Variants in CHST6 observed in about 807,000 individuals in gnomAD.
CHST6 encodes the protein carbohydrate sulfotransferase 6.
For missense variants in CHST6, 698 were observed against 586.2 expected, an observed-to-expected ratio of 1.19 and a Z score of -1.97; for synonymous variants, 309 against 276.4, an observed-to-expected ratio of 1.12 and a Z score of -1.17.
chr16:75,477,908 C>T lies in CHST6; in HGVS notation c.*733G>A. On this transcript the variant is annotated 3_prime_UTR_variant, in exon 3 of 3. Coordinates refer to ENST00000332272, the MANE Select transcript of CHST6 (RefSeq NM_021615.5). The stretch of plus-strand genomic sequence containing the variant: ...GTGCCTGGCTTGCTGCCCAGCCCTC[C>T]CCAGCCTTCTCTCCTCCTACCTTTC... 6.5e-6 allele frequency: 1 copy of T among 153,796 alleles called. No individual in the cohort carries two copies. 9.5% of individuals were successfully genotyped at this position (153,796 alleles called of 1,614,324 possible). A position where few individuals can be genotyped will look rare whatever the true frequency, so the allele number is the denominator to read the frequency against.
chr16:75,487,531 T>C (rs530524670), intron 1 of CHST6, among the ~76,000 whole-genome samples: 212 of 152,156 alleles, frequency 1.4e-3, no homozygotes, highest in African/African-American at 4.9e-3. Context: ...CCAGGCGTGG[T>C]GGCTCACGCC....
intron 2 of CHST6, 79 bp from the exon 3 acceptor site, chr16:75,479,923 G>T: frequency 1.6e-6 from 2 of 1,268,920 alleles, no homozygotes; most frequent in South Asian, 2.7e-5. Context: ...GCCCGCAGGG[G>T]GCAGATTCTA....
chr16:75,482,021 G>A (rs1597476453), intron 1 of CHST6, 130 bp from the exon 2 acceptor site: 1 of 272,642 alleles, frequency 3.7e-6, no homozygotes, highest in South Asian at 3.0e-5. Flanking sequence ...TCTTAGGGCT[G>A]TGAGATGCTG....
At position 75,478,211 on chromosome 16, in the gene CHST6, T is replaced by G. The variant is rs543429101; in HGVS notation, c.*430A>C. 2.2e-5 allele frequency: 5 copies of G among 229,868 alleles called. No homozygotes were observed. The highest frequency in any genetic ancestry group is 4.4e-5 in the Non-Finnish European group (5 of 114,842). 14.2% of individuals were successfully genotyped at this position (229,868 alleles called of 1,614,324 possible). A position where few individuals can be genotyped will look rare whatever the true frequency, so the allele number is the denominator to read the frequency against. On this transcript the variant is annotated 3_prime_UTR_variant, in exon 3 of 3. Transcript: ENST00000332272. ...TTCCGAGTTTTGCCATGTGTGCCTG[T>G]GTGCATATGTATGTGATGTACAGAC...
rs555800442 is a variant in CHST6, at chr16:75,474,056, T to A, written c.*4585A>T. 11 of 152,184 alleles carry A rather than the reference T, an allele frequency of 7.2e-5. No homozygotes were observed. In the East Asian group the frequency reaches 1.9e-3, roughly 27 times the overall value. 9.4% of individuals were successfully genotyped at this position (152,184 alleles called of 1,614,324 possible). A position where few individuals can be genotyped will look rare whatever the true frequency, so the allele number is the denominator to read the frequency against. ...CGGGCGTGGTGGTGTACATCTGTAA[T>A]CCCAGCTACTCGGGAGGCTGAGGCA... On this transcript the variant is annotated 3_prime_UTR_variant, in exon 3 of 3. Coordinates refer to ENST00000332272, the MANE Select transcript of CHST6 (RefSeq NM_021615.5).
chr16:75,489,175 G>C (rs1389883284), intron 1 of CHST6, among the ~76,000 whole-genome samples: 1 of 151,858 alleles, frequency 6.6e-6, no homozygotes, highest in East Asian at 1.9e-4. Context: ...GAGGCGGGCG[G>C]ATTACCTGAG....
intron 1 of CHST6, among the ~76,000 whole-genome samples, chr16:75,488,641 AAG>A (rs932382963): frequency 3.3e-5 from 5 of 152,264 alleles, no homozygotes; most frequent in Non-Finnish European, 4.4e-5. Flanking sequence ...AGGAAGAAAG[AAG>A]AGAGAAGAAA....
In CHST6 at chr16:75,473,819, C is replaced by T. The variant is rs1341555756; in HGVS notation, c.*4822G>A. ...TGCTGTGTAAGACAGTGTTCCAAGC[C>T]ATCACTTTGTTACTTTTCATTGAGG... On this transcript the variant is annotated 3_prime_UTR_variant, in exon 3 of 3. Coordinates refer to ENST00000332272, the MANE Select transcript of CHST6 (RefSeq NM_021615.5). The T allele has an allele frequency of 1.3e-5, 2 of 152,160 alleles. No homozygotes were observed. Among genetic ancestry groups the T allele is most frequent in the Non-Finnish European group, 2.9e-5 (2 of 68,028 alleles). The allele number at this position is 152,160 out of a possible 1,614,324, so 9.4% of individuals were successfully genotyped here. A position where few individuals can be genotyped will look rare whatever the true frequency, so the allele number is the denominator to read the frequency against.
chr16:75,480,942 AAAAAGAAAAG>A (rs1555501065), intron 2 of CHST6, among the ~76,000 whole-genome samples: 1 of 118,094 alleles, frequency 8.5e-6, no homozygotes, highest in African/African-American at 3.1e-5. Context: ...AAAAAAAAAA[AAAAAGAAAAG>A]AAAAGAAAAG....
chr16:75,494,243 C>T (rs2080286458), intron 1 of CHST6, among the ~76,000 whole-genome samples: 1 of 152,154 alleles, frequency 6.6e-6, no homozygotes, highest in South Asian at 2.1e-4. Flanking sequence ...GCTCTCTATA[C>T]TCCAGTTGAC....
In CHST6 at chr16:75,472,798, T is replaced by G. The variant is rs977986; in HGVS notation, c.*5843A>C. The G allele has an allele frequency of 0.82, 124,364 of 152,182 alleles. 50,996 individuals are homozygous for G. The highest frequency in any genetic ancestry group is 0.9 in the Middle Eastern group (265 of 294). 9.4% of individuals were successfully genotyped at this position (152,182 alleles called of 1,614,324 possible). On this transcript the variant is annotated 3_prime_UTR_variant, in exon 3 of 3. Transcript: ENST00000332272. Reference sequence around the variant, plus strand: ...CATTGATTCCCCAACAGCCTCTTGATAGGTGGGTTCTCTGACCTATTCCAG... The same window carrying G: ...CATTGATTCCCCAACAGCCTCTTGAGAGGTGGGTTCTCTGACCTATTCCAG...
intron 1 of CHST6, chr16:75,490,853 C>T (rs1334327553): frequency 6.6e-6 from 1 of 151,988 alleles, no homozygotes; most frequent in African/African-American, 2.4e-5. Flanking sequence ...GGAGACATCC[C>T]TAATGTCTAT....
At chr16:75,491,793 TG>T (rs752898372) in intron 1 of CHST6, among the ~76,000 whole-genome samples, 3 of 152,256 alleles carry the variant, frequency 2.0e-5, no homozygotes, top group Non-Finnish European at 2.9e-5. Context: ...AGTTTGTCTT[TG>T]TCCAGCTATC....
rs886052320 is a variant in CHST6, at chr16:75,478,400, G to T, written c.*241C>A. On this transcript the variant is annotated 3_prime_UTR_variant, in exon 3 of 3. Transcript: ENST00000332272. Reference sequence around the variant, plus strand: ...CGCACACCCTGTGCCCAGAGGAGGAGGGGCAAGAGTTGCTTTCCATGAAGA... The same window carrying T: ...CGCACACCCTGTGCCCAGAGGAGGATGGGCAAGAGTTGCTTTCCATGAAGA... 2 of 553,318 alleles carry T rather than the reference G, an allele frequency of 3.6e-6. No individual in the cohort carries two copies. The highest frequency in any genetic ancestry group is 6.2e-5 in the Admixed American group (2 of 32,260). 34.3% of individuals were successfully genotyped at this position (553,318 alleles called of 1,614,324 possible).
chr16:75,491,190 A>AAAAAAAAAAAATATAT (rs1206595857), intron 1 of CHST6, among the ~76,000 whole-genome samples: 6 of 50,074 alleles, frequency 1.2e-4, no homozygotes, highest in Admixed American at 3.6e-4. Flanking sequence ...AAAAAAAAAA[A>AAAAAAAAAAAATATAT]ATATATATAT....
intron 1 of CHST6, among the ~76,000 whole-genome samples, chr16:75,489,789 A>T (rs1424964969): frequency 6.6e-6 from 1 of 152,064 alleles, no homozygotes; most frequent in Non-Finnish European, 1.5e-5. Context: ...ATATTTAAGA[A>T]ATATAAGAAT....
chr16:75,488,194 T>C (rs2080221537), intron 1 of CHST6, among the ~76,000 whole-genome samples: 1 of 152,088 alleles, frequency 6.6e-6, no homozygotes, highest in Non-Finnish European at 1.5e-5. Context: ...CTGGGCACGG[T>C]GGCTCATGTC....
intron 1 of CHST6, among the ~76,000 whole-genome samples, chr16:75,483,977 CTGTG>C (rs1031405008): frequency 2.6e-5 from 4 of 151,648 alleles, no homozygotes; most frequent in Non-Finnish European, 5.9e-5. Context: ...TGAGCAGAGA[CTGTG>C]TGACTGCACT....
At position 75,492,403 on chromosome 16, in the gene CHST6, TG is replaced by T. The variant is rs1460813876; in HGVS notation, c.-92+2536del. 4.6e-5 allele frequency among the ~76,000 whole-genome samples: 7 copies of T among 152,374 alleles called. No individual in the cohort carries two copies. In the East Asian group the frequency reaches 1.3e-3, roughly 29 times the overall value. ...GGACTGTGCTTTTAGCACATTTGCC[TG>T]TTTCCCTAAGTATTGACAGAGCCCT... On this transcript the variant is annotated intron_variant, in intron 1 of 2. Coordinates refer to ENST00000332272, the MANE Select transcript of CHST6 (RefSeq NM_021615.5).
Sources: allele counts gnomAD v4.1 joint callset (sites outside exome capture counted in the v4.1 genomes callset), GRCh38; gene constraint gnomAD v4.1.1; transcripts MANE v1.5; gene names NCBI Gene and HGNC (gene_info 2026-07-23, HGNC 2026-07-21).